TASP1: variants seen among roughly 807,000 people sequenced by gnomAD.
TASP1 encodes the protein threonine aspartase 1.
A neutral mutation model predicts 56.6 loss-of-function variants in TASP1; 16 were observed. The observed-to-expected ratio is 0.28, with a 90% CI of 0.19 to 0.43. TASP1 has a LOEUF of 0.43. TASP1 is among the 20% of genes least tolerant of loss of function. TASP1 has a pLI of 1.00. For synonymous variants in TASP1, 179 were observed against 184.2 expected (o/e 0.97, Z 0.23); for missense variants, 393 against 511.6 (o/e 0.77, Z 2.24).
intron 10 of TASP1, among the ~76,000 whole-genome samples, chr20:13,498,329 TTTTGTGTG>T (rs1390060518): frequency 3.6e-4 from 42 of 116,042 alleles, no homozygotes; most frequent in Middle Eastern, 3.8e-3. Context: ...TTTTCTTTTC[TTTTGTGTG>T]TGTGTGTGTG....
At chr20:13,423,723 A>G (rs1032629125) in intron 12 of TASP1, among the ~76,000 whole-genome samples, 5 of 152,122 alleles carry the variant, frequency 3.3e-5, no homozygotes, top group Non-Finnish European at 5.9e-5. Flanking sequence ...AGGGCAACCT[A>G]TTTTTCACCA....
At chr20:13,198,830 CTTTCTTTCTTTCTTTCTTTCTTTCT>C in the TASP1 span, among the ~76,000 whole-genome samples, 168 of 138,938 alleles carry the variant, frequency 1.2e-3, 1 homozygote, top group East Asian at 0.01. Context: ...TTCTTTCTTT[CTTTCTTTCTTTCTTTCTTTCTTTCT>C]TTCCTTCCTT....
the TASP1 span, among the ~76,000 whole-genome samples, chr20:13,326,016 T>A: frequency 6.6e-6 from 1 of 152,176 alleles, no homozygotes; most frequent in Non-Finnish European, 1.5e-5. Context: ...ACTGATCTGT[T>A]TTCCATCACT....
At chr20:13,472,871 T>C (rs939176729) in intron 11 of TASP1, among the ~76,000 whole-genome samples, 5 of 151,770 alleles carry the variant, frequency 3.3e-5, no homozygotes, top group Non-Finnish European at 5.9e-5. Flanking sequence ...ATAGGAACGC[T>C]TTTACACTGT....
chr20:13,569,382 A>G, intron 7 of TASP1, 125 bp downstream of exon 7: 1 of 676,024 alleles, frequency 1.5e-6, no homozygotes, highest in East Asian at 3.0e-5. Context: ...GCTTTTAACT[A>G]CAAATCTTTC....
chr20:13,236,759 G>T, the TASP1 span, among the ~76,000 whole-genome samples: 1 of 152,226 alleles, frequency 6.6e-6, no homozygotes, highest in Non-Finnish European at 1.5e-5. Context: ...CTGAAATCCA[G>T]CAGGGCAGTT....
intron 8 of TASP1, among the ~76,000 whole-genome samples, chr20:13,541,020 A>C (rs2045601278): frequency 6.6e-6 from 1 of 152,222 alleles, no homozygotes; most frequent in Non-Finnish European, 1.5e-5. Context: ...TAACTATAAG[A>C]AAAAAGGGAA....
chr20:13,420,732 G>C (rs1265285097), intron 12 of TASP1, among the ~76,000 whole-genome samples: 1 of 152,148 alleles, frequency 6.6e-6, no homozygotes, highest in African/African-American at 2.4e-5. Flanking sequence ...TTTCATAGCA[G>C]AACTCAGCAA....
intron 11 of TASP1, among the ~76,000 whole-genome samples, chr20:13,461,626 C>T (rs561135712): frequency 4.6e-5 from 7 of 152,192 alleles, no homozygotes; most frequent in East Asian, 1.9e-4. Flanking sequence ...CATTGTAGCA[C>T]GAAAGCAGTT....
At chr20:13,448,612 G>A (rs1369155861) in intron 11 of TASP1, among the ~76,000 whole-genome samples, 8 of 152,048 alleles carry the variant, frequency 5.3e-5, no homozygotes, top group East Asian at 1.9e-4. Flanking sequence ...GAAACGTGGC[G>A]TGGTACCCTA....
At chr20:13,572,773 G>A (rs752211355) in intron 6 of TASP1, among the ~76,000 whole-genome samples, 1 of 151,126 alleles carries the variant, frequency 6.6e-6, no homozygotes, top group Non-Finnish European at 1.5e-5. Context: ...GGGCAAATAC[G>A]GTGATAGGAA....
chr20:13,131,622 A>G, the TASP1 span, among the ~76,000 whole-genome samples: 1 of 151,574 alleles, frequency 6.6e-6, no homozygotes, highest in Admixed American at 6.6e-5. Flanking sequence ...ACTCCCACAC[A>G]CTCTACTTGA....
intron 11 of TASP1, among the ~76,000 whole-genome samples, chr20:13,455,842 G>A (rs1426815284): frequency 6.6e-6 from 1 of 152,104 alleles, no homozygotes; most frequent in Non-Finnish European, 1.5e-5. Flanking sequence ...TGATTTACAT[G>A]GGGCATTGCC....
chr20:13,363,088 C>T, the TASP1 span, among the ~76,000 whole-genome samples: 1 of 152,090 alleles, frequency 6.6e-6, no homozygotes, highest in African/African-American at 2.4e-5. Context: ...ATAGGAGTAG[C>T]TGGCACAGAG....
At chr20:13,573,275 G>A (rs564100316) in intron 6 of TASP1, among the ~76,000 whole-genome samples, 1 of 152,206 alleles carries the variant, frequency 6.6e-6, no homozygotes, top group Non-Finnish European at 1.5e-5. Context: ...CAAGGTATTG[G>A]GATTGCATTA....
the TASP1 span, among the ~76,000 whole-genome samples, chr20:13,212,436 C>G: frequency 6.6e-6 from 1 of 152,138 alleles, no homozygotes; most frequent in Non-Finnish European, 1.5e-5. Flanking sequence ...CTTTCCCTGA[C>G]TACTACAAGT....
intron 8 of TASP1, among the ~76,000 whole-genome samples, chr20:13,558,146 T>A (rs1030547160): frequency 2.6e-5 from 4 of 151,938 alleles, no homozygotes; most frequent in Non-Finnish European, 5.9e-5. Context: ...TATAAAACTA[T>A]GACACAAAGG....
chr20:13,136,053 A>C, the TASP1 span, among the ~76,000 whole-genome samples: 11 of 152,348 alleles, frequency 7.2e-5, 1 homozygote, highest in Admixed American at 3.9e-4. Context: ...TTTCAGTAGA[A>C]TACACCTGCA....
At chr20:13,633,533 G>T (rs1460791162) in intron 1 of TASP1, among the ~76,000 whole-genome samples, 1 of 152,136 alleles carries the variant, frequency 6.6e-6, no homozygotes, top group Non-Finnish European at 1.5e-5. Context: ...CTTCTGGGAT[G>T]CATAAGCTAC....
Sources: gnomAD v4.1 joint callset for allele counts (sites outside exome capture counted in the v4.1 genomes callset) on GRCh38, gnomAD v4.1.1 for gene constraint, MANE v1.5 for transcripts, NCBI Gene and HGNC (gene_info 2026-07-23, HGNC 2026-07-21) for gene names.